Variants in FAAH2 observed in about 807,000 individuals in gnomAD.
The protein encoded by FAAH2 is fatty acid amide hydrolase 2.
Under a neutral mutation model 36.9 loss-of-function variants are expected in FAAH2, and 60 were observed. The ratio of observed to expected loss-of-function variants is 1.63; its 90% CI spans 1.32 to 2.02. FAAH2 has a LOEUF of 2.02. Ranked by LOEUF, FAAH2 falls within the 30% of genes most tolerant of loss-of-function variation. The pLI is 0.00. For missense variants in FAAH2, 689 were observed against 397.5 expected, an observed-to-expected ratio of 1.73 and a Z score of -6.23; for synonymous variants, 214 against 143.8, an observed-to-expected ratio of 1.49 and a Z score of -3.49.
At chrX:57,416,721 T>G (rs891924157) in intron 7 of FAAH2, among the ~76,000 whole-genome samples, 2 of 111,577 alleles carry the variant, frequency 1.8e-5, no homozygotes, top group Non-Finnish European at 3.8e-5. Context: ...TTGCTCTTTT[T>G]GAGGAGTATC....
the FAAH2 span, among the ~76,000 whole-genome samples, chrX:57,236,241 C>T: frequency 8.9e-6 from 1 of 112,252 alleles, no homozygotes; most frequent in East Asian, 2.8e-4. Flanking sequence ...GTTAATTCAT[C>T]TGCTAAAGGA....
chrX:57,333,014 G>A (rs146836488), intron 4 of FAAH2, among the ~76,000 whole-genome samples: 189 of 111,297 alleles, frequency 1.7e-3, no homozygotes, highest in African/African-American at 6.1e-3. Context: ...CACAGAGCAG[G>A]GGCACATGCT....
the FAAH2 span, among the ~76,000 whole-genome samples, chrX:57,213,385 G>T: frequency 9.0e-6 from 1 of 111,102 alleles, no homozygotes; most frequent in Non-Finnish European, 1.9e-5. Context: ...TGTTTGGTTT[G>T]TTCCTGTTTT....
At chrX:57,477,252 T>C (rs914433975) in intron 10 of FAAH2, among the ~76,000 whole-genome samples, 1 of 110,601 alleles carries the variant, frequency 9.0e-6, no homozygotes, top group Non-Finnish European at 1.9e-5. Context: ...AATAATATGT[T>C]ATTTATGTTA....
the FAAH2 span, among the ~76,000 whole-genome samples, chrX:57,250,838 AATT>A: frequency 3.6e-5 from 4 of 111,152 alleles, no homozygotes; most frequent in East Asian, 1.1e-3. Context: ...ACAGACTAAC[AATT>A]ATTAAGGAGA....
intron 10 of FAAH2, among the ~76,000 whole-genome samples, chrX:57,461,339 C>G (rs1476898221): frequency 9.0e-6 from 1 of 111,435 alleles, no homozygotes; most frequent in African/African-American, 3.3e-5. Flanking sequence ...TACCCCAAAT[C>G]AGCAGAATAC....
intron 7 of FAAH2, among the ~76,000 whole-genome samples, chrX:57,413,413 A>C (rs368910017): frequency 8.9e-6 from 1 of 112,132 alleles, no homozygotes; most frequent in East Asian, 2.8e-4. Flanking sequence ...GGTGTAAGTA[A>C]GGAGTCCAGT....
intron 5 of FAAH2, among the ~76,000 whole-genome samples, chrX:57,345,003 A>G (rs1022332868): frequency 3.7e-5 from 4 of 109,084 alleles, no homozygotes; most frequent in Non-Finnish European, 7.7e-5. Context: ...TTTTGTTGAA[A>G]TTTTTTCTGT....
the FAAH2 span, among the ~76,000 whole-genome samples, chrX:57,210,203 G>A: frequency 1.8e-5 from 2 of 111,373 alleles, no homozygotes; most frequent in Non-Finnish European, 3.8e-5. Flanking sequence ...TGTCCTTATG[G>A]GGTGGAGGGA....
intron 7 of FAAH2, among the ~76,000 whole-genome samples, chrX:57,400,928 C>T (rs2055417356): frequency 9.0e-6 from 1 of 111,006 alleles, no homozygotes; most frequent in African/African-American, 3.3e-5. Flanking sequence ...TGAGACCATC[C>T]TGGCCAACAC....
chrX:57,223,289 A>T, the FAAH2 span, among the ~76,000 whole-genome samples: 1 of 111,573 alleles, frequency 9.0e-6, no homozygotes, highest in Non-Finnish European at 1.9e-5. Context: ...CAACCCATGC[A>T]AGGCCAGTTT....
At chrX:57,222,921 A>C in the FAAH2 span, among the ~76,000 whole-genome samples, 10 of 111,051 alleles carry the variant, frequency 9.0e-5, no homozygotes, top group East Asian at 5.6e-4. Context: ...GTGTCACCCC[A>C]CACACACACA....
At chrX:57,159,680 A>G in the FAAH2 span, among the ~76,000 whole-genome samples, 1 of 111,904 alleles carries the variant, frequency 8.9e-6, no homozygotes, top group Non-Finnish European at 1.9e-5. Flanking sequence ...ATTTTTGTAC[A>G]TTGATTTTGT....
intron 2 of FAAH2, among the ~76,000 whole-genome samples, chrX:57,307,171 C>A (rs1488096571): frequency 9.6e-6 from 1 of 103,879 alleles, no homozygotes; most frequent in African/African-American, 3.4e-5. Flanking sequence ...GTTTTCTCAT[C>A]CCTTCATCTT....
chrX:57,198,705 C>T, the FAAH2 span, among the ~76,000 whole-genome samples: 1 of 112,481 alleles, frequency 8.9e-6, no homozygotes, highest in South Asian at 3.7e-4. Context: ...GACAGCCCTC[C>T]CCATGGAGAC....
the FAAH2 span, among the ~76,000 whole-genome samples, chrX:57,245,381 AAT>A: frequency 8.9e-5 from 10 of 112,094 alleles, no homozygotes; most frequent in South Asian, 2.6e-3. Flanking sequence ...AAGCAGGCCT[AAT>A]AGACATCTAC....
chrX:57,160,446 T>C, the FAAH2 span, among the ~76,000 whole-genome samples: 3 of 111,987 alleles, frequency 2.7e-5, no homozygotes, highest in Admixed American at 2.8e-4. Flanking sequence ...TCTGGTAGAA[T>C]TTGGCTGTGA....
At chrX:57,358,524 G>C (rs1003592855) in intron 5 of FAAH2, among the ~76,000 whole-genome samples, 1 of 111,108 alleles carries the variant, frequency 9.0e-6, no homozygotes, top group Non-Finnish European at 1.9e-5. Context: ...AGGTTTCCTT[G>C]TTTATGAAGG....
In FAAH2 at chrX:57,465,220, G is replaced by A. The variant is rs182575374; in HGVS notation, c.1423+16502G>A. Among the ~76,000 whole-genome samples the A allele has an allele frequency of 2.0e-4, 22 of 111,414 alleles. No homozygotes were observed. In the East Asian group the frequency reaches 5.9e-3, roughly 30 times the overall value. On this transcript the variant is annotated intron_variant, in intron 10 of 10. Coordinates refer to ENST00000374900, the MANE Select transcript of FAAH2 (RefSeq NM_174912.4). The stretch of plus-strand genomic sequence containing the variant: ...TTTAATCTAATGAACAGAGAGAAAA[G>A]CAAAAGAATAAAAATAAACAGTCTC...
Sources: gnomAD v4.1 joint callset for allele counts (sites outside exome capture counted in the v4.1 genomes callset) on GRCh38, gnomAD v4.1.1 for gene constraint, MANE v1.5 for transcripts, NCBI Gene and HGNC (gene_info 2026-07-23, HGNC 2026-07-21) for gene names.